The following ANAPC10 variants were observed in gnomAD, a reference collection of about 807,000 sequenced individuals.
ANAPC10 encodes anaphase-promoting complex subunit 10.
A neutral mutation model predicts 22.0 loss-of-function variants in ANAPC10; 12 were observed. That is an observed-to-expected ratio of 0.55 (90% CI 0.35 to 0.88). The LOEUF (loss-of-function observed/expected upper bound fraction) is 0.88, where lower values mean the gene tolerates loss of function less well. ANAPC10 is among the 40% of genes least tolerant of loss of function. ANAPC10 has a pLI of 0.01. For missense variants in ANAPC10, 188 were observed against 220.9 expected (o/e 0.85, Z 0.94); for synonymous variants, 65 against 69.5 (o/e 0.94, Z 0.32).
chr4:145,019,501 GCACAAACTGACACTCAAAGGT>G (rs1735672919), intron 4 of ANAPC10, among the ~76,000 whole-genome samples: 2 of 152,026 alleles, frequency 1.3e-5, no homozygotes, highest in African/African-American at 2.4e-5. Context: ...GACTGAAAGA[GCACAAACTGACACTCAAAGGT>G]CACACCTCAA....
chr4:145,064,590 G>T lies in ANAPC10; in HGVS notation c.309C>A (p.His103Gln). 1.2e-6 allele frequency: 2 copies of T among 1,605,622 alleles called. No individual in the cohort carries two copies. Among genetic ancestry groups the T allele is most frequent in the Non-Finnish European group, 8.5e-7 (1 of 1,176,280 alleles). Residue 103 changes from histidine (H) to glutamine (Q), a missense_variant, in exon 4 of 5, where the codon CAC becomes CAA. Coordinates refer to ENST00000507656, the MANE Select transcript of ANAPC10 (RefSeq NM_001256706.2). ...GACATACCCGAATTTCTTGAAGGTT[G>T]TGAAAATTATTTCCTACTCTGACTG... ...KISVRVGNNFHNLQEIRQLEL... is the reference protein window; with the variant it reads ...KISVRVGNNFQNLQEIRQLEL...
intron 2 of ANAPC10, among the ~76,000 whole-genome samples, chr4:145,085,012 C>T (rs139649480): frequency 6.6e-6 from 1 of 152,260 alleles, no homozygotes; most frequent in East Asian, 1.9e-4. Context: ...TCGTTCTTTA[C>T]ACAATATTGC....
At chr4:145,080,268 G>A (rs558890572) in intron 3 of ANAPC10, among the ~76,000 whole-genome samples, 51 of 152,164 alleles carry the variant, frequency 3.4e-4, no homozygotes, top group African/African-American at 1.2e-3. Flanking sequence ...CCTGGATGAC[G>A]AAATTTGTAC....
At chr4:145,073,526 T>C (rs1744778227) in intron 3 of ANAPC10, among the ~76,000 whole-genome samples, 1 of 152,158 alleles carries the variant, frequency 6.6e-6, no homozygotes, top group African/African-American at 2.4e-5. Context: ...TTTACATCCA[T>C]ACATATATTG....
chr4:145,000,811 T>A (rs921470823), intron 4 of ANAPC10, among the ~76,000 whole-genome samples: 1 of 152,174 alleles, frequency 6.6e-6, no homozygotes, highest in South Asian at 2.1e-4. Context: ...CCATCAGTGA[T>A]AGACTGGATT....
At chr4:145,059,633 T>C (rs35470494) in intron 4 of ANAPC10, among the ~76,000 whole-genome samples, 24 of 152,246 alleles carry the variant, frequency 1.6e-4, no homozygotes, top group Middle Eastern at 3.4e-3. Flanking sequence ...TATAACAATA[T>C]AGAAATAATT....
intron 4 of ANAPC10, among the ~76,000 whole-genome samples, chr4:145,025,332 G>GCCC (rs36048867): frequency 7.1e-6 from 1 of 141,814 alleles, no homozygotes; most frequent in African/African-American, 2.6e-5. Context: ...CTTTCAACAC[G>GCCC]CCCCCCCCCC....
At chr4:145,003,412 G>C (rs1046091305) in intron 4 of ANAPC10, among the ~76,000 whole-genome samples, 12 of 152,132 alleles carry the variant, frequency 7.9e-5, no homozygotes, top group African/African-American at 2.9e-4. Flanking sequence ...GAATTTGTGG[G>C]TGAAATGGTA....
intron 3 of ANAPC10, among the ~76,000 whole-genome samples, chr4:145,075,437 C>T (rs1056289815): frequency 6.6e-6 from 1 of 151,738 alleles, no homozygotes; most frequent in African/African-American, 2.4e-5. Flanking sequence ...TTGATCAGAG[C>T]CAAGATGGCC....
chr4:145,087,450 T>C (rs914441263), intron 2 of ANAPC10, among the ~76,000 whole-genome samples: 3 of 152,010 alleles, frequency 2.0e-5, no homozygotes, highest in Non-Finnish European at 2.9e-5. Flanking sequence ...TCAACCTCCT[T>C]AGGCTCTGCT....
chr4:145,064,915 T>C (rs1488446050), intron 3 of ANAPC10, among the ~76,000 whole-genome samples: 1 of 151,922 alleles, frequency 6.6e-6, no homozygotes, highest in African/African-American at 2.4e-5. Context: ...GACACCTATG[T>C]AGAACATGGT....
chr4:145,081,568 T>C, intron 3 of ANAPC10, 92 bp downstream of exon 3: 2 of 813,154 alleles, frequency 2.5e-6, no homozygotes, highest in South Asian at 3.8e-5. Flanking sequence ...TGTATTTCAT[T>C]GTAATTTCTA....
rs34728050 is a variant in ANAPC10, at chr4:145,063,028, G to A, written c.327+1544C>T. On this transcript the variant is annotated intron_variant, in intron 4 of 4. Coordinates refer to ENST00000507656, the MANE Select transcript of ANAPC10 (RefSeq NM_001256706.2). ...GGCTATAATGGAAGGAGGGATTGGG[G>A]AGATGTTGGTCAAAGGGTACAAAAT... is the stretch of plus-strand genomic sequence containing the variant. Among the ~76,000 whole-genome samples the A allele has an allele frequency of 1.3e-3, 197 of 152,244 alleles. 3 individuals are homozygous for A. The highest frequency in any genetic ancestry group is 4.6e-3 in the African/African-American group (190 of 41,552).
chr4:145,096,545 C>A (rs554465818), intron 1 of ANAPC10, among the ~76,000 whole-genome samples: 1 of 152,274 alleles, frequency 6.6e-6, no homozygotes, highest in East Asian at 1.9e-4. Flanking sequence ...TAGGTCTGGG[C>A]TTTATTTCCT....
In ANAPC10 at chr4:145,092,103, G is replaced by A. The variant is rs371359794; in HGVS notation, c.115+3882C>T. Reference sequence around the variant, plus strand: ...CACCACATGTTCTCGCTTATAAATAGGAGCTAAACAATGACAACAAATGGA... The same window carrying A: ...CACCACATGTTCTCGCTTATAAATAAGAGCTAAACAATGACAACAAATGGA... On this transcript the variant is annotated intron_variant, in intron 2 of 4. Coordinates refer to ENST00000507656, the MANE Select transcript of ANAPC10 (RefSeq NM_001256706.2). 1.5e-4 allele frequency among the ~76,000 whole-genome samples: 23 copies of A among 152,198 alleles called. No individual in the cohort carries two copies. In the East Asian group the frequency reaches 3.1e-3, roughly 20 times the overall value.
intron 4 of ANAPC10, among the ~76,000 whole-genome samples, chr4:145,016,473 A>T (rs1735158822): frequency 6.6e-6 from 1 of 152,218 alleles, no homozygotes; most frequent in South Asian, 2.1e-4. Context: ...ATAAAAGAGG[A>T]CACAAACAAA....
chr4:145,034,096 A>G (rs769528121), intron 4 of ANAPC10, among the ~76,000 whole-genome samples: 1 of 152,172 alleles, frequency 6.6e-6, no homozygotes, highest in South Asian at 2.1e-4. Flanking sequence ...ATTATGTAGG[A>G]TCTCAGCAGA....
At chr4:145,032,065 A>T (rs1310750922) in intron 4 of ANAPC10, among the ~76,000 whole-genome samples, 1 of 152,128 alleles carries the variant, frequency 6.6e-6, no homozygotes, top group Non-Finnish European at 1.5e-5. Flanking sequence ...TGCCACCCTG[A>T]CATCTCTCCC....
chr4:145,026,139 C>A (rs1019150165), intron 4 of ANAPC10, among the ~76,000 whole-genome samples: 1 of 152,176 alleles, frequency 6.6e-6, no homozygotes, highest in African/African-American at 2.4e-5. Context: ...CCTCCCATCC[C>A]TTGCCACGTG....
Sources: allele counts gnomAD v4.1 joint callset (sites outside exome capture counted in the v4.1 genomes callset), GRCh38; gene constraint gnomAD v4.1.1; transcripts MANE v1.5; gene names NCBI Gene and HGNC (gene_info 2026-07-23, HGNC 2026-07-21).